The following UBE2W variants were observed in gnomAD, a reference collection of about 807,000 sequenced individuals.
UBE2W encodes the protein ubiquitin-conjugating enzyme E2 W.
In UBE2W, 18 loss-of-function variants were observed where a neutral mutation model predicts 27.2. The ratio of observed to expected loss-of-function variants is 0.66; its 90% CI spans 0.46 to 0.98. The LOEUF (loss-of-function observed/expected upper bound fraction) is 0.98. Among genes scored for constraint, UBE2W ranks in the 50% least tolerant of loss-of-function variants. The pLI is 0.00. For synonymous variants in UBE2W, 53 were observed against 57.2 expected (o/e 0.93, Z 0.33); for missense variants, 90 against 180.2 (o/e 0.50, Z 2.87).
At chr8:73,873,052 CGCTCTACCACGCCTG>C (rs1812071225) in intron 1 of UBE2W, among the ~76,000 whole-genome samples, 1 of 151,970 alleles carries the variant, frequency 6.6e-6, no homozygotes, top group Non-Finnish European at 1.5e-5. Context: ...ATTACAGATG[CGCTCTACCACGCCTG>C]GCTAATTTTT....
intron 1 of UBE2W, 140 bp downstream of exon 1, chr8:73,878,668 T>C: frequency 1.4e-6 from 1 of 729,578 alleles, no homozygotes; most frequent in Non-Finnish European, 2.4e-6. Flanking sequence ...CCCGACGCCC[T>C]GAGCTGAGGG....
Position 73,816,227 on chromosome 8 carries a change from C to T in UBE2W, c.211-5598G>A, listed in dbSNP as rs117760479. Among the ~76,000 whole-genome samples the T allele has an allele frequency of 4.7e-3, 710 of 152,338 alleles. 9 individuals carry two copies. Among genetic ancestry groups the T allele is most frequent in the Non-Finnish European group, 5.4e-3 (370 of 68,030 alleles). ...TGGTAATCATTCTCTTCCCTTTATACTCTATGTTCTTTTAGCCTACTAGTC... is the reference window on the plus strand; with the variant it reads ...TGGTAATCATTCTCTTCCCTTTATATTCTATGTTCTTTTAGCCTACTAGTC... On this transcript the variant is annotated intron_variant, in intron 3 of 5. Coordinates refer to ENST00000602593, the MANE Select transcript of UBE2W (RefSeq NM_018299.6).
intron 1 of UBE2W, among the ~76,000 whole-genome samples, chr8:73,845,053 T>TGGGG (rs747834519): frequency 6.1e-5 from 2 of 32,996 alleles, no homozygotes; most frequent in African/African-American, 8.1e-5. Context: ...ATCCGGGAGG[T>TGGGG]GGCCAGCCCC....
At chr8:73,837,329 A>T (rs1810351470) in intron 1 of UBE2W, among the ~76,000 whole-genome samples, 1 of 152,176 alleles carries the variant, frequency 6.6e-6, no homozygotes, top group African/African-American at 2.4e-5. Flanking sequence ...CCTGGCCAAC[A>T]TAGTGAAACC....
chr8:73,855,755 T>C (rs1032805746), intron 1 of UBE2W, among the ~76,000 whole-genome samples: 4 of 152,166 alleles, frequency 2.6e-5, no homozygotes, highest in African/African-American at 9.7e-5. Flanking sequence ...TCTGTAAGTG[T>C]GTAGGTATGA....
chr8:73,866,864 G>A (rs1029163408), intron 1 of UBE2W, among the ~76,000 whole-genome samples: 4 of 151,562 alleles, frequency 2.6e-5, no homozygotes, highest in Admixed American at 2.6e-4. Context: ...AATCAGCTAG[G>A]TGTGGTGGCA....
intron 5 of UBE2W, 24 bp from the exon 6 acceptor site, chr8:73,794,139 T>C (rs780814078): frequency 1.2e-5 from 20 of 1,610,988 alleles, no homozygotes; most frequent in Admixed American, 1.7e-5. Flanking sequence ...AGAAAAAAGA[T>C]AATTAAAAAG....
At chr8:73,842,398 G>A (rs1489486865) in intron 1 of UBE2W, among the ~76,000 whole-genome samples, 27 of 151,462 alleles carry the variant, frequency 1.8e-4, no homozygotes, top group Non-Finnish European at 2.9e-4. Context: ...GCGTGGTGGC[G>A]GGCGCCTGTA....
chr8:73,814,619 T>C (rs1015984523), intron 3 of UBE2W, among the ~76,000 whole-genome samples: 3 of 152,090 alleles, frequency 2.0e-5, no homozygotes, highest in East Asian at 1.9e-4. Flanking sequence ...CCTGGGTTCA[T>C]ATGATTCTCC....
At chr8:73,841,272 G>A (rs887415083) in intron 1 of UBE2W, among the ~76,000 whole-genome samples, 5 of 152,084 alleles carry the variant, frequency 3.3e-5, no homozygotes, top group African/African-American at 7.2e-5. Context: ...GAAATGTGAG[G>A]CAATGTATTA....
At chr8:73,821,045 T>C (rs548488733) in intron 3 of UBE2W, among the ~76,000 whole-genome samples, 17 of 152,324 alleles carry the variant, frequency 1.1e-4, no homozygotes, top group African/African-American at 3.8e-4. Context: ...GTACCATTCA[T>C]TCCACATATA....
intron 1 of UBE2W, chr8:73,834,163 A>G (rs1202891713): frequency 6.6e-6 from 1 of 152,204 alleles, no homozygotes; most frequent in East Asian, 1.9e-4. Flanking sequence ...TCAGTAAGTA[A>G]TGTTTCTACG....
intron 5 of UBE2W, among the ~76,000 whole-genome samples, chr8:73,802,346 GAGCTGC>G (rs1160876858): frequency 6.6e-6 from 1 of 152,120 alleles, no homozygotes; most frequent in African/African-American, 2.4e-5. Context: ...TTATTTTACT[GAGCTGC>G]ACTTTTTTGC....
In UBE2W at chr8:73,830,790, C is replaced by T. The variant is rs1438758710; in HGVS notation, c.16-318G>A. 2.0e-5 allele frequency among the ~76,000 whole-genome samples: 3 copies of T among 152,104 alleles called. No individual in the cohort carries two copies. In the East Asian group the frequency reaches 5.8e-4, roughly 29 times the overall value. On this transcript the variant is annotated intron_variant, in intron 1 of 5. Transcript: ENST00000602593. ...TGTGAGCTACCACACTCAGCCTGCACTTTTAAAAAAACAACATAACATCTT... is the reference window on the plus strand; with the variant it reads ...TGTGAGCTACCACACTCAGCCTGCATTTTTAAAAAAACAACATAACATCTT...
chr8:73,811,466 A>G (rs1262231246), intron 3 of UBE2W, among the ~76,000 whole-genome samples: 2 of 152,192 alleles, frequency 1.3e-5, no homozygotes, highest in African/African-American at 4.8e-5. Context: ...AGCATAGTCC[A>G]AAGTTGCTCG....
At chr8:73,844,849 G>T (rs1810707686) in intron 1 of UBE2W, among the ~76,000 whole-genome samples, 1 of 151,136 alleles carries the variant, frequency 6.6e-6, no homozygotes, top group East Asian at 2.0e-4. Context: ...ACCCCGTCTG[G>T]GAGGTGCGGA....
intron 1 of UBE2W, among the ~76,000 whole-genome samples, chr8:73,853,637 CAA>C (rs1376186679): frequency 9.2e-5 from 14 of 152,102 alleles, no homozygotes; most frequent in African/African-American, 3.4e-4. Flanking sequence ...GGATAAGTAA[CAA>C]TGTGTACCTT....
chr8:73,788,379 T>C lies in UBE2W; in HGVS notation c.*5723A>G, dbSNP rs1429883328. 1.0e-6 allele frequency: 1 copy of C among 985,430 alleles called. No homozygotes were observed. The highest frequency in any genetic ancestry group is 1.1e-4 in the East Asian group (1 of 8,816). 61.0% of individuals were successfully genotyped at this position (985,430 alleles called of 1,614,324 possible). On this transcript the variant is annotated 3_prime_UTR_variant, in exon 6 of 6. Transcript: ENST00000602593. Reference sequence around the variant, plus strand: ...TCCTATTAATAAAATGCACACTCTGTAGTTCTGAATAATAAAAGGAAAATG... The same window carrying C: ...TCCTATTAATAAAATGCACACTCTGCAGTTCTGAATAATAAAAGGAAAATG...
chr8:73,840,507 C>T (rs906286837), intron 1 of UBE2W, among the ~76,000 whole-genome samples: 6 of 152,212 alleles, frequency 3.9e-5, no homozygotes, highest in African/African-American at 1.4e-4. Context: ...CAGAATATAT[C>T]CTTCTGAGAT....
Sources: gnomAD v4.1 joint callset for allele counts (sites outside exome capture counted in the v4.1 genomes callset) on GRCh38, gnomAD v4.1.1 for gene constraint, MANE v1.5 for transcripts, NCBI Gene and HGNC (gene_info 2026-07-23, HGNC 2026-07-21) for gene names.